AUNIP: variants seen among roughly 807,000 people sequenced by gnomAD.
The protein encoded by AUNIP is aurora kinase A and ninein interacting protein.
Under a neutral mutation model 12.2 loss-of-function variants are expected in AUNIP, and 16 were observed. The observed-to-expected ratio is 1.31, with a 90% CI of 0.88 to 1.99. The LOEUF (loss-of-function observed/expected upper bound fraction) is 1.99. Ranked by LOEUF, AUNIP falls within the 30% of genes most tolerant of loss-of-function variation. The pLI is 0.00. For missense variants in AUNIP, 411 were observed against 419.1 expected (o/e 0.98, Z 0.17); for synonymous variants, 142 against 154.8 (o/e 0.92, Z 0.61).
intron 1 of AUNIP, among the ~76,000 whole-genome samples, chr1:25,859,053 A>AC (rs1055864527): frequency 2.0e-5 from 3 of 149,402 alleles, no homozygotes; most frequent in African/African-American, 7.4e-5. Context: ...GCTCCTCCAG[A>AC]CCCCCCAACA....
Position 25,847,593 on chromosome 1 carries a change from A to G in AUNIP, c.79-10039T>C, listed in dbSNP as rs2048393371. On this transcript the variant is annotated intron_variant, in intron 1 of 2. Transcript: ENST00000374298. The surrounding 1 kb of genome is among the most constrained non-coding windows in gnomAD (Gnocchi z 4.2). The stretch of plus-strand genomic sequence containing the variant: ...AAAAACATTTAAGCAATCCCCTACT[A>G]AGCCTATTTAGGTCCTTCTTGAGCG... Among the ~76,000 whole-genome samples the G allele has an allele frequency of 6.6e-6, 1 of 152,140 alleles. No homozygotes were observed. The highest frequency in any genetic ancestry group is 2.4e-5 in the African/African-American group (1 of 41,424).
rs1188949749 is a variant in AUNIP, at chr1:25,843,183, A to ATATATATATAT, written c.79-5630_79-5629insATATATATATA. On this transcript the variant is annotated intron_variant, in intron 1 of 2. Transcript: ENST00000374298. ...CAGAGACCCCATCTCAAAAAAAAAAAAAATATATATATATATATATTTTAC... is the reference window on the plus strand; with the variant it reads ...CAGAGACCCCATCTCAAAAAAAAAAATATATATATATAAATATATATATATATATATTTTAC... Among the ~76,000 whole-genome samples, 793 of 114,000 alleles carry ATATATATATAT rather than the reference A, an allele frequency of 7.0e-3. 7 individuals carry two copies. Among genetic ancestry groups the ATATATATATAT allele is most frequent in the Middle Eastern group, 0.016 (4 of 244 alleles). The allele number at this position is 114,000 out of a possible 152,430, so 74.8% of individuals were successfully genotyped here.
rs1168561407 is a variant in AUNIP, at chr1:25,834,674, G to A, written c.*319C>T. On this transcript the variant is annotated 3_prime_UTR_variant, in exon 3 of 3. Transcript: ENST00000374298. ...AGGTCCCAGTCAGACATCTGGAAGGGCAAAGAGATGGCTCTGTGCAGGCTG... is the reference window on the plus strand; with the variant it reads ...AGGTCCCAGTCAGACATCTGGAAGGACAAAGAGATGGCTCTGTGCAGGCTG... The A allele has an allele frequency of 3.7e-6, 4 of 1,076,756 alleles. No individual in the cohort carries two copies. Among genetic ancestry groups the A allele is most frequent in the Non-Finnish European group, 4.5e-6 (4 of 888,288 alleles). 66.7% of individuals were successfully genotyped at this position (1,076,756 alleles called of 1,614,324 possible).
Position 25,834,431 on chromosome 1 carries a change from T to C in AUNIP, c.*562A>G, listed in dbSNP as rs1206871062. 3 of 838,084 alleles carry C rather than the reference T, an allele frequency of 3.6e-6. No individual in the cohort carries two copies. Among genetic ancestry groups the C allele is most frequent in the Non-Finnish European group, 4.3e-6 (3 of 696,074 alleles). 51.9% of individuals were successfully genotyped at this position (838,084 alleles called of 1,614,324 possible). ...GAGATGGAGACCATCCTGGCTAATA[T>C]GGTGAAACCTCGTCTCTACTAAAAA... On this transcript the variant is annotated 3_prime_UTR_variant, in exon 3 of 3. Transcript: ENST00000374298.
At chr1:25,836,873 G>A (rs960732957) in intron 2 of AUNIP, among the ~76,000 whole-genome samples, 1 of 152,174 alleles carries the variant, frequency 6.6e-6, no homozygotes, top group African/African-American at 2.4e-5. Context: ...CCTCCAAGTG[G>A]CAGGAACCCT....
At chr1:25,840,011 TG>T (rs2048338388) in intron 1 of AUNIP, among the ~76,000 whole-genome samples, 1 of 152,138 alleles carries the variant, frequency 6.6e-6, no homozygotes, top group African/African-American at 2.4e-5. Flanking sequence ...ATGTAGCACT[TG>T]TAATGTCTAG....
downstream of AUNIP, chr1:25,831,913 G>C (rs746947619): frequency 6.2e-7 from 1 of 1,610,890 alleles, no homozygotes; most frequent in Non-Finnish European, 8.5e-7. Context: ...CTATTATTGT[G>C]TCTCTAGGAA....
Position 25,859,385 on chromosome 1 carries a change from AC to A in AUNIP, c.-29del. 1 of 1,486,070 alleles carries A rather than the reference AC, an allele frequency of 6.7e-7. No individual in the cohort carries two copies. The highest frequency in any genetic ancestry group is 1.8e-4 in the Middle Eastern group (1 of 5,618). 92.1% of individuals were successfully genotyped at this position (1,486,070 alleles called of 1,614,324 possible). A position where few individuals can be genotyped will look rare whatever the true frequency, so the allele number is the denominator to read the frequency against. ...CCGCTGAGGAGACGAAGCCGGCAGGACGCCGGCGCAGGCTCCCGGCGCCTCA... is the reference window on the plus strand; with the variant it reads ...CCGCTGAGGAGACGAAGCCGGCAGGAGCCGGCGCAGGCTCCCGGCGCCTCA... On this transcript the variant is annotated 5_prime_UTR_variant, in exon 1 of 3. Coordinates refer to ENST00000374298, the MANE Select transcript of AUNIP (RefSeq NM_024037.3).
chr1:25,851,818 C>T (rs1020465759), intron 1 of AUNIP, among the ~76,000 whole-genome samples: 6 of 152,128 alleles, frequency 3.9e-5, no homozygotes, highest in Non-Finnish European at 8.8e-5. Flanking sequence ...CTCACTGCAA[C>T]CTGTCTCCCG....
At position 25,835,677 on chromosome 1, in the gene AUNIP, A is replaced by G; in HGVS notation, c.390T>C (p.Ala130=). The stretch of plus-strand genomic sequence containing the variant: ...TCTGGAGGGACTGAGGAGAGAGTCC[A>G]GCTTCCTGGATGTCTGCAGTGGTTG... ...ATSTTADIQE[A]GLSPQSLQTS... The change falls in exon 3 of 3, where the codon GCT becomes GCC. Residue 130 remains alanine, a synonymous_variant. Transcript: ENST00000374298. 6.2e-7 allele frequency: 1 copy of G among 1,614,230 alleles called. No individual in the cohort carries two copies. Among genetic ancestry groups the G allele is most frequent in the South Asian group, 1.1e-5 (1 of 91,088 alleles).
chr1:25,837,083 C>A (rs777355557), intron 2 of AUNIP, among the ~76,000 whole-genome samples: 1 of 152,214 alleles, frequency 6.6e-6, no homozygotes, highest in Non-Finnish European at 1.5e-5. Context: ...CCACTGTGGC[C>A]AACCCAAGAT....
At chr1:25,858,813 G>C (rs995981265) in intron 1 of AUNIP, among the ~76,000 whole-genome samples, 18 of 152,168 alleles carry the variant, frequency 1.2e-4, no homozygotes, top group African/African-American at 3.6e-4. Context: ...CAAAGTTACC[G>C]GTTCTGGGCA....
chr1:25,845,175 C>T (rs1384969771), intron 1 of AUNIP, among the ~76,000 whole-genome samples: 1 of 152,160 alleles, frequency 6.6e-6, no homozygotes, highest in Non-Finnish European at 1.5e-5. Flanking sequence ...TAAACTATGA[C>T]AATAGTCTCT....
At chr1:25,839,517 G>A (rs1178597328) in intron 1 of AUNIP, among the ~76,000 whole-genome samples, 1 of 152,142 alleles carries the variant, frequency 6.6e-6, no homozygotes, top group Non-Finnish European at 1.5e-5. Context: ...ATTCATTAGA[G>A]CTCTAAGGAG....
intron 1 of AUNIP, among the ~76,000 whole-genome samples, chr1:25,849,065 G>T: frequency 6.6e-6 from 1 of 152,156 alleles, no homozygotes; most frequent in Admixed American, 6.5e-5. Flanking sequence ...TGAAGTTGCT[G>T]TCAAAAATTA....
chr1:25,840,597 T>C (rs912475890), intron 1 of AUNIP, among the ~76,000 whole-genome samples: 3 of 152,242 alleles, frequency 2.0e-5, no homozygotes, highest in Non-Finnish European at 4.4e-5. Context: ...GAAGTCCTTA[T>C]TCCCTCACCT....
intron 1 of AUNIP, among the ~76,000 whole-genome samples, chr1:25,854,627 A>G (rs1326684114): frequency 6.6e-6 from 1 of 152,242 alleles, no homozygotes; most frequent in Non-Finnish European, 1.5e-5. Flanking sequence ...GATAAGAGGT[A>G]TAAGTGGGTC....
chr1:25,859,231 T>A, intron 1 of AUNIP, 49 bp downstream of exon 1: 1 of 1,545,038 alleles, frequency 6.5e-7, no homozygotes, highest in Non-Finnish European at 8.7e-7. Context: ...GTCTTACGCC[T>A]CCAGGCCCTA....
chr1:25,833,703 G>A (rs1000474336), downstream of AUNIP, among the ~76,000 whole-genome samples: 13 of 151,750 alleles, frequency 8.6e-5, no homozygotes, highest in Non-Finnish European at 1.6e-4. Context: ...GCAGTGAACC[G>A]TGTTCATGCC....
Sources: allele counts gnomAD v4.1 joint callset (sites outside exome capture counted in the v4.1 genomes callset), GRCh38; gene constraint gnomAD v4.1.1; non-coding constraint Gnocchi (gnomAD v3.1); transcripts MANE v1.5; gene names NCBI Gene and HGNC (gene_info 2026-07-23, HGNC 2026-07-21).